Variants in TACR1 observed in about 807,000 individuals in gnomAD.
TACR1 encodes the protein substance-P receptor.
TACR1 carries 25 observed loss-of-function variants against 35.8 expected under a neutral mutation model. The observed-to-expected ratio is 0.70, with a 90% confidence interval of 0.51 to 0.98. The LOEUF is 0.98. TACR1 is among the 50% of genes least tolerant of loss of function. The pLI is 0.00. For missense variants in TACR1, 478 were observed against 522.9 expected (o/e 0.91, Z 0.84); for synonymous variants, 195 against 206.7 (o/e 0.94, Z 0.48).
chr2:75,141,130 T>C (rs748769129), intron 1 of TACR1, among the ~76,000 whole-genome samples: 5 of 152,284 alleles, frequency 3.3e-5, no homozygotes, highest in Non-Finnish European at 5.9e-5. Context: ...CAGCTCTCTC[T>C]CTTCCTCTCT....
At chr2:75,140,627 C>G (rs1482217322) in intron 1 of TACR1, among the ~76,000 whole-genome samples, 1 of 152,206 alleles carries the variant, frequency 6.6e-6, no homozygotes, top group African/African-American at 2.4e-5. Context: ...TGAGGCCTTT[C>G]TCTAATCTTC....
chr2:75,142,014 A>G (rs188120159), intron 1 of TACR1, among the ~76,000 whole-genome samples: 4 of 152,340 alleles, frequency 2.6e-5, no homozygotes, highest in African/African-American at 9.6e-5. Flanking sequence ...TCTTTCATGT[A>G]TACTATTTCA....
At chr2:75,118,834 T>C (rs1458456733) in intron 2 of TACR1, 1 of 152,200 alleles carries the variant, frequency 6.6e-6, no homozygotes, top group Non-Finnish European at 1.5e-5. Flanking sequence ...ATTTTTTTTT[T>C]CCCTTTTGAG....
intron 1 of TACR1, among the ~76,000 whole-genome samples, chr2:75,190,505 G>A (rs995180904): frequency 3.3e-5 from 5 of 152,210 alleles, no homozygotes; most frequent in Non-Finnish European, 5.9e-5. Context: ...GATGTAGAAG[G>A]AATCCAGGAG....
chr2:75,095,475 G>T (rs889681667), intron 2 of TACR1, among the ~76,000 whole-genome samples: 1 of 152,200 alleles, frequency 6.6e-6, no homozygotes, highest in Non-Finnish European at 1.5e-5. Context: ...GAAGGGTAGG[G>T]TTGGATCAGC....
intron 1 of TACR1, among the ~76,000 whole-genome samples, chr2:75,157,164 A>G (rs1363435235): frequency 6.6e-6 from 1 of 152,052 alleles, no homozygotes; most frequent in Admixed American, 6.5e-5. Context: ...GGGGATTGAT[A>G]AGGAGGAGGA....
At chr2:75,160,733 G>T (rs559518692) in intron 1 of TACR1, among the ~76,000 whole-genome samples, 1 of 106,436 alleles carries the variant, frequency 9.4e-6, no homozygotes, top group East Asian at 2.6e-4. Context: ...CTGGACAGGA[G>T]AACTAACCAA....
intron 1 of TACR1, among the ~76,000 whole-genome samples, chr2:75,121,151 A>C (rs1673964094): frequency 6.6e-6 from 1 of 152,206 alleles, no homozygotes. Flanking sequence ...TTCTAGATTA[A>C]GGGATAATGG....
intron 1 of TACR1, among the ~76,000 whole-genome samples, chr2:75,168,121 G>A (rs928434770): frequency 1.3e-5 from 2 of 152,294 alleles, no homozygotes; most frequent in South Asian, 4.1e-4. Flanking sequence ...AGTTTTCACA[G>A]ACTATGTAGA....
rs1387652097 is a variant in TACR1 at position 75,120,768 on chromosome 2, C to T, written c.390G>A (p.Arg130=). 1.9e-6 allele frequency: 3 copies of T among 1,601,590 alleles called. No homozygotes were observed. Among genetic ancestry groups the T allele is most frequent in the African/African-American group, 1.3e-5 (1 of 74,374 alleles). ...IYSMTAVAFD[R]YMAIIHPLQP... is the part of the protein sequence containing the mutation. ...GGAGGGGATGTATGATGGCCATGTA[C>T]CTGGAACAGAGAAGAAAGAACAAAG... is the stretch of plus-strand genomic sequence containing the variant. Residue 130 remains arginine (R), a splice_region_variant and synonymous_variant, in exon 2 of 5, where the codon AGG becomes AGA. Coordinates refer to ENST00000305249, the MANE Select transcript of TACR1 (RefSeq NM_001058.4).
chr2:75,126,691 C>T (rs1170577349), intron 1 of TACR1, among the ~76,000 whole-genome samples: 2 of 152,172 alleles, frequency 1.3e-5, no homozygotes, highest in Non-Finnish European at 2.9e-5. Flanking sequence ...AAACTATCAA[C>T]AGAGCATACA....
chr2:75,133,689 G>A (rs1674222561), intron 1 of TACR1, among the ~76,000 whole-genome samples: 2 of 152,280 alleles, frequency 1.3e-5, no homozygotes, highest in Middle Eastern at 6.8e-3. Context: ...AACAATGAGT[G>A]CAAACTTCTT....
intron 1 of TACR1, chr2:75,187,486 T>A (rs978703158): frequency 6.6e-6 from 1 of 152,230 alleles, no homozygotes; most frequent in Admixed American, 6.5e-5. Flanking sequence ...ACATTCCACA[T>A]TGGCACAGTT....
intron 1 of TACR1, among the ~76,000 whole-genome samples, chr2:75,138,733 G>T (rs1674345284): frequency 6.6e-6 from 1 of 151,746 alleles, no homozygotes; most frequent in African/African-American, 2.4e-5. Flanking sequence ...ATCCATGGCT[G>T]GGTGGTAGCC....
intron 1 of TACR1, among the ~76,000 whole-genome samples, chr2:75,158,314 T>A (rs1157013145): frequency 6.6e-6 from 1 of 152,232 alleles, no homozygotes; most frequent in Non-Finnish European, 1.5e-5. Context: ...CACAGCTTAT[T>A]AACTTTCCCT....
chr2:75,095,805 C>T (rs1013623157), intron 2 of TACR1, among the ~76,000 whole-genome samples: 17 of 152,090 alleles, frequency 1.1e-4, no homozygotes, highest in East Asian at 1.9e-4. Flanking sequence ...TAGGATGCTT[C>T]GTCCATCCCC....
intron 1 of TACR1, among the ~76,000 whole-genome samples, chr2:75,138,394 A>G (rs1401617542): frequency 2.0e-5 from 3 of 152,190 alleles, no homozygotes; most frequent in African/African-American, 7.2e-5. Context: ...CTTTCGACCC[A>G]TGAATAAAAC....
At chr2:75,146,644 T>C (rs982495260) in intron 1 of TACR1, among the ~76,000 whole-genome samples, 2 of 152,224 alleles carry the variant, frequency 1.3e-5, no homozygotes, top group African/African-American at 4.8e-5. Context: ...GTGATGCTAA[T>C]AACCATAGAG....
chr2:75,187,676 A>G (rs1675740475), intron 1 of TACR1: 1 of 152,160 alleles, frequency 6.6e-6, no homozygotes, highest in Non-Finnish European at 1.5e-5. Context: ...AACTCAACTT[A>G]CTAAATTGGA....
Sources: gnomAD v4.1 joint callset for allele counts (sites outside exome capture counted in the v4.1 genomes callset) on GRCh38, gnomAD v4.1.1 for gene constraint, MANE v1.5 for transcripts, NCBI Gene and HGNC (gene_info 2026-07-23, HGNC 2026-07-21) for gene names.